Variants in ADGRB3 observed in about 807,000 individuals in gnomAD.
The protein encoded by ADGRB3 is brain-specific angiogenesis inhibitor 3.
A neutral mutation model predicts 193.4 loss-of-function variants in ADGRB3; 37 were observed. The ratio of observed to expected loss-of-function variants is 0.19; its 90% CI spans 0.15 to 0.25. The LOEUF (loss-of-function observed/expected upper bound fraction) is 0.25, where lower values mean the gene tolerates loss of function less well. Ranked by LOEUF, ADGRB3 falls within the 10% of genes least tolerant of loss-of-function variation. ADGRB3 has a pLI of 1.00. For synonymous variants in ADGRB3, 690 were observed against 644.2 expected (o/e 1.07, Z -1.08); for missense variants, 1,637 against 1,852.9 (o/e 0.88, Z 2.14).
intron 3 of ADGRB3, among the ~76,000 whole-genome samples, chr6:68,694,321 G>T (rs1765122511): frequency 1.3e-5 from 2 of 151,942 alleles, no homozygotes; most frequent in Admixed American, 1.3e-4. Flanking sequence ...TCCTAACTTG[G>T]TTAATAAGAT....
intron 3 of ADGRB3, among the ~76,000 whole-genome samples, chr6:68,928,553 T>C (rs1767247512): frequency 6.6e-6 from 1 of 152,106 alleles, no homozygotes; most frequent in Non-Finnish European, 1.5e-5. Flanking sequence ...ACCTTCTAAA[T>C]TTCAAGTTCA....
chr6:68,906,483 A>G (rs929972169), intron 3 of ADGRB3, among the ~76,000 whole-genome samples: 1 of 151,958 alleles, frequency 6.6e-6, no homozygotes, highest in African/African-American at 2.4e-5. Context: ...TAGTGTTTTT[A>G]ATCAGATAGA....
At chr6:68,856,160 T>C (rs905435260) in intron 3 of ADGRB3, among the ~76,000 whole-genome samples, 1 of 152,226 alleles carries the variant, frequency 6.6e-6, no homozygotes, top group Non-Finnish European at 1.5e-5. Context: ...CTGTGAATTC[T>C]CCATTAACCC....
At chr6:68,795,683 A>C (rs1767193554) in intron 3 of ADGRB3, among the ~76,000 whole-genome samples, 1 of 152,140 alleles carries the variant, frequency 6.6e-6, no homozygotes, top group African/African-American at 2.4e-5. Flanking sequence ...GTCTTTGAAA[A>C]AAGGTTAAGC....
chr6:68,864,671 T>C (rs1327423840), intron 3 of ADGRB3, among the ~76,000 whole-genome samples: 2 of 152,214 alleles, frequency 1.3e-5, no homozygotes, highest in Non-Finnish European at 2.9e-5. Context: ...TACTAATTAC[T>C]ACAAGAAAAT....
At chr6:68,953,665 G>A (rs928245930) in intron 6 of ADGRB3, among the ~76,000 whole-genome samples, 2 of 152,154 alleles carry the variant, frequency 1.3e-5, no homozygotes, top group African/African-American at 2.4e-5. Flanking sequence ...GTAATAAAGT[G>A]AGATGCTAAA....
intron 3 of ADGRB3, among the ~76,000 whole-genome samples, chr6:68,730,525 A>G (rs527818964): frequency 1.3e-5 from 2 of 151,814 alleles, no homozygotes; most frequent in South Asian, 2.1e-4. Flanking sequence ...AAATATTGAA[A>G]TGATACACAC....
At chr6:69,018,537 TA>T (rs755537055) in intron 13 of ADGRB3, 38 bp downstream of exon 13, 190 of 1,405,512 alleles carry the variant, frequency 1.4e-4, no homozygotes, top group Middle Eastern at 1.8e-4. Flanking sequence ...CTTTCTGAAA[TA>T]AAAAAAAATT....
intron 3 of ADGRB3, among the ~76,000 whole-genome samples, chr6:68,803,085 G>T (rs2127371928): frequency 6.6e-6 from 1 of 151,702 alleles, no homozygotes; most frequent in Non-Finnish European, 1.5e-5. Flanking sequence ...AATTTCTATT[G>T]TCTGTATATA....
chr6:69,018,285 G>T, intron 12 of ADGRB3, 106 bp from the exon 13 acceptor site: 1 of 635,454 alleles, frequency 1.6e-6, no homozygotes, highest in South Asian at 3.0e-5. Flanking sequence ...TTTTTGAAGT[G>T]AAACAAAGCT....
chr6:68,941,660 A>G (rs974413164), intron 5 of ADGRB3, among the ~76,000 whole-genome samples: 1 of 141,970 alleles, frequency 7.0e-6, no homozygotes, highest in African/African-American at 3.1e-5. Context: ...TAGGAGGAGA[A>G]AAGGTTTTTA....
intron 20 of ADGRB3, among the ~76,000 whole-genome samples, chr6:69,320,752 G>C (rs1768433621): frequency 6.6e-6 from 1 of 150,508 alleles, no homozygotes. Context: ...TACTCTGATA[G>C]CTTTTAAGAT....
chr6:69,092,389 A>G (rs747362098), intron 17 of ADGRB3, among the ~76,000 whole-genome samples: 1 of 152,152 alleles, frequency 6.6e-6, no homozygotes, highest in Non-Finnish European at 1.5e-5. Context: ...TCATGAGTTT[A>G]TGTCTTTCAC....
At chr6:68,978,221 A>G (rs1180567811) in intron 10 of ADGRB3, among the ~76,000 whole-genome samples, 1 of 151,516 alleles carries the variant, frequency 6.6e-6, no homozygotes, top group Admixed American at 6.6e-5. Flanking sequence ...CAATAAGAAT[A>G]AAATTTTGGA....
intron 3 of ADGRB3, among the ~76,000 whole-genome samples, chr6:68,924,955 A>G (rs1021314026): frequency 5.9e-5 from 9 of 151,878 alleles, no homozygotes; most frequent in Admixed American, 3.3e-4. Context: ...TGAATTTTGT[A>G]GAAGTTTTCT....
At chr6:68,928,102 G>A (rs1394399409) in intron 3 of ADGRB3, among the ~76,000 whole-genome samples, 1 of 152,062 alleles carries the variant, frequency 6.6e-6, no homozygotes, top group East Asian at 1.9e-4. Flanking sequence ...CATATTTTAA[G>A]AGATGTAAAT....
In ADGRB3 at chr6:69,361,282, C is replaced by T. The variant is rs1769445540; in HGVS notation, c.4009C>T (p.His1337Tyr). Residue 1337 changes from histidine to tyrosine, a missense_variant, in exon 29 of 32, where the codon CAT becomes TAT. Transcript: ENST00000370598. The stretch of plus-strand genomic sequence containing the variant: ...GAATATTGGCATGGAAACCTTGCCG[C>T]ATGAAAGGCTATTGCACTACAAAGT... ...KMNIGMETLP[H>Y]ERLLHYKVNP... 1 of 1,612,736 alleles carries T rather than the reference C, an allele frequency of 6.2e-7. No individual in the cohort carries two copies. Among genetic ancestry groups the T allele is most frequent in the Non-Finnish European group, 8.5e-7 (1 of 1,179,226 alleles).
At chr6:69,090,811 G>A (rs750278776) in intron 17 of ADGRB3, among the ~76,000 whole-genome samples, 7 of 152,174 alleles carry the variant, frequency 4.6e-5, no homozygotes, top group South Asian at 2.1e-4. Context: ...CAACCATCAT[G>A]CAATGCCTAA....
chr6:69,384,022 T>C (rs1026323960), intron 31 of ADGRB3, among the ~76,000 whole-genome samples: 1 of 152,058 alleles, frequency 6.6e-6, no homozygotes, highest in African/African-American at 2.4e-5. Flanking sequence ...TTAGTAATGT[T>C]AGCTTCGGAA....
Sources: gnomAD v4.1 joint callset for allele counts (sites outside exome capture counted in the v4.1 genomes callset) on GRCh38, gnomAD v4.1.1 for gene constraint, MANE v1.5 for transcripts, NCBI Gene and HGNC (gene_info 2026-07-23, HGNC 2026-07-21) for gene names.